The following IL34 variants were observed in gnomAD, a reference collection of about 807,000 sequenced individuals.
IL34 encodes the protein interleukin-34.
In IL34, 17 loss-of-function variants were observed where a neutral mutation model predicts 25.3. That is an observed-to-expected ratio of 0.67 (90% CI 0.46 to 1.01). The LOEUF (loss-of-function observed/expected upper bound fraction) is 1.01. Among genes scored for constraint, IL34 ranks in the 50% least tolerant of loss-of-function variants. IL34 has a pLI of 0.00. For missense variants in IL34, 368 were observed against 312.9 expected (o/e 1.18, Z -1.33); for synonymous variants, 174 against 140.9 (o/e 1.23, Z -1.66).
chr16:70,586,495 G>A (rs1449551182), intron 1 of IL34, among the ~76,000 whole-genome samples: 2 of 152,180 alleles, frequency 1.3e-5, no homozygotes, highest in African/African-American at 4.8e-5. Context: ...GGTTGAGGCT[G>A]CAGTGAGCTG....
At chr16:70,639,324 C>A (rs2051727707) in intron 1 of IL34, among the ~76,000 whole-genome samples, 2 of 152,172 alleles carry the variant, frequency 1.3e-5, no homozygotes, top group South Asian at 4.1e-4. Context: ...TTACACGGGC[C>A]TGGAGACTGT....
intron 1 of IL34, among the ~76,000 whole-genome samples, chr16:70,595,060 T>A (rs968876456): frequency 6.6e-6 from 1 of 151,186 alleles, no homozygotes; most frequent in African/African-American, 2.4e-5. Flanking sequence ...GTTCAAGCAA[T>A]TCTCCTGCCT....
intron 1 of IL34, among the ~76,000 whole-genome samples, chr16:70,607,026 C>T (rs1321155872): frequency 2.0e-5 from 3 of 152,136 alleles, no homozygotes; most frequent in Admixed American, 6.5e-5. Flanking sequence ...TTTGTTATGT[C>T]GATCTGGTGT....
upstream of IL34, among the ~76,000 whole-genome samples, chr16:70,643,424 G>A (rs1276644456): frequency 1.3e-5 from 2 of 152,180 alleles, no homozygotes; most frequent in Non-Finnish European, 2.9e-5. Flanking sequence ...ATGCTGGAGT[G>A]CAGTGGCGTG....
At chr16:70,591,570 T>TAA (rs35725906) in intron 1 of IL34, among the ~76,000 whole-genome samples, 15 of 127,188 alleles carry the variant, frequency 1.2e-4, no homozygotes, top group African/African-American at 3.2e-4. Flanking sequence ...TCCTGTCTCT[T>TAA]AAAAAAAAAA....
At chr16:70,640,741 G>C (rs536835995) in intron 1 of IL34, among the ~76,000 whole-genome samples, 1 of 152,054 alleles carries the variant, frequency 6.6e-6, no homozygotes, top group African/African-American at 2.4e-5. Flanking sequence ...TCCTCTTTAA[G>C]CATACGGTTG....
intron 4 of IL34, among the ~76,000 whole-genome samples, chr16:70,658,021 G>A (rs2052279043): frequency 6.6e-6 from 1 of 152,150 alleles, no homozygotes; most frequent in Admixed American, 6.5e-5. Flanking sequence ...GTGGCGAGAT[G>A]ACCCATGCAG....
At chr16:70,636,585 TCA>T (rs34816911) in intron 1 of IL34, among the ~76,000 whole-genome samples, 40,845 of 135,872 alleles carry the variant, frequency 0.3, 6,512 homozygotes, top group Non-Finnish European at 0.37. Flanking sequence ...GCAAACCCTG[TCA>T]CACACACACA....
At chr16:70,638,321 C>G (rs2051702525) in intron 1 of IL34, among the ~76,000 whole-genome samples, 1 of 152,006 alleles carries the variant, frequency 6.6e-6, no homozygotes, top group African/African-American at 2.4e-5. Flanking sequence ...TACAAAAGAA[C>G]TGTAAAACTT....
chr16:70,625,374 TAAG>T (rs1377605652), intron 1 of IL34, among the ~76,000 whole-genome samples: 1 of 151,330 alleles, frequency 6.6e-6, no homozygotes, highest in African/African-American at 2.4e-5. Context: ...GGCACAGAAA[TAAG>T]AGGTTGGGGT....
intron 1 of IL34, among the ~76,000 whole-genome samples, chr16:70,583,963 G>A (rs1412326480): frequency 6.6e-6 from 1 of 152,070 alleles, no homozygotes; most frequent in Non-Finnish European, 1.5e-5. Flanking sequence ...AGGGCAATTA[G>A]GCTTCTTACA....
In IL34 at chr16:70,625,223, A is replaced by T. The variant is rs554440168; in HGVS notation, c.-400-21325A>T. Reference sequence around the variant, plus strand: ...AAGTCAGGCTAAGGGAGAAGGAGGAATGGATGGTGGAAGGTTGCCCATAGT... The same window carrying T: ...AAGTCAGGCTAAGGGAGAAGGAGGATTGGATGGTGGAAGGTTGCCCATAGT... On this transcript the variant is annotated intron_variant, in intron 1 of 6. Transcript: ENST00000429149. Among the ~76,000 whole-genome samples the T allele has an allele frequency of 5.9e-5, 9 of 151,474 alleles. No individual in the cohort carries two copies. The South Asian group carries it at 1.9e-3, about 32-fold the overall frequency.
At chr16:70,642,344 C>G (rs1321787189), upstream of IL34, among the ~76,000 whole-genome samples, 2 of 142,216 alleles carry the variant, frequency 1.4e-5, no homozygotes, top group Non-Finnish European at 3.0e-5. Context: ...GTTACCCAGG[C>G]TGGAGTGCAG....
chr16:70,649,416 A>G, intron 1 of IL34, among the ~76,000 whole-genome samples: 1 of 152,214 alleles, frequency 6.6e-6, no homozygotes, highest in South Asian at 2.1e-4. Flanking sequence ...AGGCGTTGCC[A>G]TGGCAATGGT....
At chr16:70,633,121 T>C (rs1246075956) in intron 1 of IL34, among the ~76,000 whole-genome samples, 1 of 152,146 alleles carries the variant, frequency 6.6e-6, no homozygotes, top group South Asian at 2.1e-4. Flanking sequence ...CATGCCACCA[T>C]GCCTGGCTAA....
At chr16:70,580,354 A>G (rs934769775) in intron 1 of IL34, among the ~76,000 whole-genome samples, 2 of 152,246 alleles carry the variant, frequency 1.3e-5, no homozygotes, top group African/African-American at 2.4e-5. Flanking sequence ...AGTTTAGTCA[A>G]TTGACAAACC....
At position 70,646,607 on chromosome 16, in the gene IL34, C is replaced by G; in HGVS notation, c.-341C>G. 1 of 351,224 alleles carries G rather than the reference C, an allele frequency of 2.8e-6. No individual in the cohort carries two copies. Among genetic ancestry groups the G allele is most frequent in the Non-Finnish European group, 5.1e-6 (1 of 196,070 alleles). 21.8% of individuals were successfully genotyped at this position (351,224 alleles called of 1,614,324 possible). ...AAATCAGAGAAAGCGTCACCCAGCC[C>G]CAGATTCCGAGGGGCCTGCCAGGGA... is the stretch of plus-strand genomic sequence containing the variant. On this transcript the variant is annotated 5_prime_UTR_variant, in exon 1 of 6. Transcript: ENST00000288098.
chr16:70,623,949 G>A (rs28814369), intron 1 of IL34, among the ~76,000 whole-genome samples: 11,664 of 121,252 alleles, frequency 0.096, 1,860 homozygotes, highest in African/African-American at 0.32. Context: ...GGTAGCCTCC[G>A]TATTGATTAA....
intron 1 of IL34, among the ~76,000 whole-genome samples, chr16:70,624,196 G>A (rs199998346): frequency 6.6e-6 from 1 of 152,040 alleles, no homozygotes; most frequent in African/African-American, 2.4e-5. Context: ...GAGGAATCCC[G>A]GGCTGCCGGC....
Sources: allele counts gnomAD v4.1 joint callset (sites outside exome capture counted in the v4.1 genomes callset), GRCh38; gene constraint gnomAD v4.1.1; transcripts MANE v1.5; gene names NCBI Gene and HGNC (gene_info 2026-07-23, HGNC 2026-07-21).